Variants in KMT2C observed in about 807,000 individuals in gnomAD.
KMT2C encodes the protein histone-lysine N-methyltransferase 2C.
Under a neutral mutation model 507.9 loss-of-function variants are expected in KMT2C, and 88 were observed. That is an observed-to-expected ratio of 0.17 (90% CI 0.15 to 0.21). KMT2C has a LOEUF of 0.21. KMT2C is among the 10% of genes least tolerant of loss of function. KMT2C has a pLI of 1.00. For synonymous variants in KMT2C, 2,049 were observed against 2,080.8 expected, an observed-to-expected ratio of 0.98 and a Z score of 0.42; for missense variants, 4,954 against 5,957.8, an observed-to-expected ratio of 0.83 and a Z score of 5.55.
At chr7:152,330,279 G>A (rs1241024194) in intron 3 of KMT2C, among the ~76,000 whole-genome samples, 1 of 152,032 alleles carries the variant, frequency 6.6e-6, no homozygotes, top group Non-Finnish European at 1.5e-5. Flanking sequence ...AAGTTTACAG[G>A]TAAGTATCAA....
At chr7:152,382,311 G>A (rs1251017376) in intron 1 of KMT2C, among the ~76,000 whole-genome samples, 1 of 152,142 alleles carries the variant, frequency 6.6e-6, no homozygotes, top group Non-Finnish European at 1.5e-5. Context: ...ATAAACATGA[G>A]AGATAACCCT....
At chr7:152,155,683 T>C (rs11975229) in intron 46 of KMT2C, among the ~76,000 whole-genome samples, 1 of 152,118 alleles carries the variant, frequency 6.6e-6, no homozygotes, top group African/African-American at 2.4e-5. Flanking sequence ...TAACTGTCTA[T>C]TAGATTATTT....
intron 6 of KMT2C, among the ~76,000 whole-genome samples, chr7:152,301,442 G>C (rs2096567478): frequency 6.6e-6 from 1 of 152,128 alleles, no homozygotes; most frequent in Non-Finnish European, 1.5e-5. Flanking sequence ...CCGGGAGGCA[G>C]AGGTTGCAGT....
chr7:152,215,688 T>TATATATATATATATATATATAC lies in KMT2C; in HGVS notation c.3712+4834_3712+4835insGTATATATATATATATATATAT, dbSNP rs766518165. 2.5e-3 allele frequency among the ~76,000 whole-genome samples: 338 copies of TATATATATATATATATATATAC among 134,452 alleles called. 16 individuals are homozygous for TATATATATATATATATATATAC. Among genetic ancestry groups the TATATATATATATATATATATAC allele is most frequent in the African/African-American group, 0.011 (319 of 29,630 alleles). The allele number at this position is 134,452 out of a possible 152,430, so 88.2% of individuals were successfully genotyped here. A position where few individuals can be genotyped will look rare whatever the true frequency, so the allele number is the denominator to read the frequency against. Reference sequence around the variant, plus strand: ...ACAAAAGGAACAAAATATATATATATACACACACACATACACACACAAAAT... The same window carrying TATATATATATATATATATATAC: ...ACAAAAGGAACAAAATATATATATATATATATATATATATATATATACACACACACACATACACACACAAAAT... On this transcript the variant is annotated intron_variant, in intron 23 of 58. Coordinates refer to ENST00000262189, the MANE Select transcript of KMT2C (RefSeq NM_170606.3).
Position 152,217,735 on chromosome 7 carries a change from T to G in KMT2C, c.3712+2788A>C, listed in dbSNP as rs372372209. Among the ~76,000 whole-genome samples, 3 of 149,398 alleles carry G rather than the reference T, an allele frequency of 2.0e-5. No individual in the cohort carries two copies. The East Asian group carries it at 5.9e-4, about 29-fold the overall frequency. On this transcript the variant is annotated intron_variant, in intron 23 of 58. Transcript: ENST00000262189. Reference sequence around the variant, plus strand: ...TACGAGTCAATGAGAAAATATGAAATTGAAACATATCACCATTTCTCAGTT... The same window carrying G: ...TACGAGTCAATGAGAAAATATGAAAGTGAAACATATCACCATTTCTCAGTT...
At chr7:152,243,413 A>C (rs2095418727) in intron 14 of KMT2C, among the ~76,000 whole-genome samples, 1 of 152,226 alleles carries the variant, frequency 6.6e-6, no homozygotes, top group Non-Finnish European at 1.5e-5. Flanking sequence ...TATAATATAA[A>C]GTAAACTTCT....
intron 28 of KMT2C, among the ~76,000 whole-genome samples, chr7:152,194,888 C>A (rs1414050465): frequency 6.7e-6 from 1 of 150,300 alleles, no homozygotes; most frequent in Non-Finnish European, 1.5e-5. Flanking sequence ...TATGAGAAAT[C>A]GATATGCAAA....
intron 26 of KMT2C, among the ~76,000 whole-genome samples, 199 bp downstream of exon 26, chr7:152,202,735 T>G (rs1293002040): frequency 2.0e-5 from 3 of 152,144 alleles, no homozygotes; most frequent in African/African-American, 4.8e-5. Flanking sequence ...AAGCAATTTA[T>G]GACAAGTATC....
rs2096520178 is a variant in KMT2C, at chr7:152,297,068, AG to A, written c.849+12897del. Among the ~76,000 whole-genome samples the A allele has an allele frequency of 3.4e-5, 4 of 118,880 alleles. 1 individual carries two copies. The highest frequency in any genetic ancestry group is 1.7e-4 in the African/African-American group (4 of 23,502). 78.0% of individuals were successfully genotyped at this position (118,880 alleles called of 152,430 possible). On this transcript the variant is annotated intron_variant, in intron 6 of 58. Transcript: ENST00000262189. ...AAGAAAGAAAGACAGAGAGAGAGAG[AG>A]AGAGAGAGAGAGAGAGAGAGAGAGA...
At chr7:152,163,938 A>G in intron 42 of KMT2C, 112 bp from the exon 43 acceptor site, 1 of 969,050 alleles carries the variant, frequency 1.0e-6, no homozygotes, top group Non-Finnish European at 1.6e-6. Context: ...GGCCCTGCAG[A>G]AGCAAACATA....
In KMT2C at chr7:152,187,461, G is replaced by A. The variant is rs2093660033; in HGVS notation, c.4809C>T (p.Ala1603=). ...SYPDARDKNS[A]FNPMASDPNN... ...TAGGATCACTTGCCATTGGATTAAA[G>A]GCTGAATTTTTATCCCTGGGAAAAA... The change falls in exon 33 of 59, where the codon GCC becomes GCT. Residue 1603 remains alanine, a synonymous_variant. Coordinates refer to ENST00000262189, the MANE Select transcript of KMT2C (RefSeq NM_170606.3). The A allele has an allele frequency of 6.2e-7, 1 of 1,613,148 alleles. No individual in the cohort carries two copies. Among genetic ancestry groups the A allele is most frequent in the Non-Finnish European group, 8.5e-7 (1 of 1,179,330 alleles).
chr7:152,379,223 A>G (rs1416024738), intron 1 of KMT2C, among the ~76,000 whole-genome samples: 5 of 152,096 alleles, frequency 3.3e-5, no homozygotes, highest in Non-Finnish European at 5.9e-5. Flanking sequence ...CACTTTTTCC[A>G]AAACACTGTG....
intron 37 of KMT2C, among the ~76,000 whole-genome samples, chr7:152,178,994 A>C (rs568005303): frequency 1.6e-4 from 25 of 152,228 alleles, no homozygotes; most frequent in Non-Finnish European, 3.1e-4. Flanking sequence ...ATTTATTATT[A>C]TTATTTTTTA....
intron 6 of KMT2C, among the ~76,000 whole-genome samples, chr7:152,307,476 C>T (rs2096632267): frequency 6.6e-6 from 1 of 152,046 alleles, no homozygotes. Flanking sequence ...TTGAGTGATT[C>T]AATCTAGTGG....
At chr7:152,388,176 C>T (rs1209936797) in intron 1 of KMT2C, among the ~76,000 whole-genome samples, 2 of 152,182 alleles carry the variant, frequency 1.3e-5, no homozygotes, top group Non-Finnish European at 2.9e-5. Context: ...TATATAATTT[C>T]ATTAATTTCA....
At chr7:152,308,619 G>T (rs962702967) in intron 6 of KMT2C, among the ~76,000 whole-genome samples, 21 of 138,722 alleles carry the variant, frequency 1.5e-4, no homozygotes, top group Middle Eastern at 4.0e-3. Flanking sequence ...AGGTTGCAGT[G>T]AGCTGAGATC....
In KMT2C at chr7:152,248,366, C is replaced by T. The variant is rs781574582; in HGVS notation, c.2068G>A (p.Glu690Lys). ...GTTTCTAGTGGAAGAGTGACAGATT[C>T]CATGACTAATTTTGGAGGCCTTGAT... ...EESRPPKLVMESVTLPLETLV... is the reference protein window; with the variant it reads ...EESRPPKLVMKSVTLPLETLV... Residue 690 changes from glutamate (E) to lysine (K), a missense_variant, in exon 14 of 59, where the codon GAA becomes AAA. Transcript: ENST00000262189. 9 of 1,613,994 alleles carry T rather than the reference C, an allele frequency of 5.6e-6. No individual in the cohort carries two copies. The highest frequency in any genetic ancestry group is 7.6e-6 in the Non-Finnish European group (9 of 1,179,942).
chr7:152,159,387 T>G (rs146237995), intron 43 of KMT2C, among the ~76,000 whole-genome samples: 2 of 152,314 alleles, frequency 1.3e-5, no homozygotes, highest in African/African-American at 4.8e-5. Context: ...CCCTTATTCC[T>G]GCTTACTTAC....
At chr7:152,432,460 T>G (rs1160657629) in intron 1 of KMT2C, among the ~76,000 whole-genome samples, 4 of 152,232 alleles carry the variant, frequency 2.6e-5, no homozygotes, top group South Asian at 4.1e-4. Flanking sequence ...ATAAAGATGA[T>G]GAACTACTCC....
Sources: allele counts gnomAD v4.1 joint callset (sites outside exome capture counted in the v4.1 genomes callset), GRCh38; gene constraint gnomAD v4.1.1; transcripts MANE v1.5; gene names NCBI Gene and HGNC (gene_info 2026-07-23, HGNC 2026-07-21).